Variants in DNAH14 observed in about 807,000 individuals in gnomAD.
The protein encoded by DNAH14 is axonemal beta dynein heavy chain 14.
DNAH14 carries 478 observed loss-of-function variants against 520.9 expected under a neutral mutation model. The observed-to-expected ratio is 0.92, with a 90% CI of 0.85 to 0.99. The LOEUF is 0.99. Among genes scored for constraint, DNAH14 ranks in the 50% least tolerant of loss-of-function variants. The pLI is 0.00. For synonymous variants in DNAH14, 1,581 were observed against 1,757.2 expected (o/e 0.90, Z 2.51); for missense variants, 4,831 against 5,234.5 (o/e 0.92, Z 2.38).
At chr1:225,188,793 A>ATAATAAAGT (rs1313913563) in intron 37 of DNAH14, among the ~76,000 whole-genome samples, 1 of 151,956 alleles carries the variant, frequency 6.6e-6, no homozygotes, top group Admixed American at 6.6e-5. Context: ...TACCATCTTA[A>ATAATAAAGT]TAATAAAGTT....
chr1:225,290,689 ATATATT>A (rs2093864224), intron 55 of DNAH14, among the ~76,000 whole-genome samples: 1 of 109,130 alleles, frequency 9.2e-6, no homozygotes, highest in Non-Finnish European at 1.9e-5. Context: ...ATATATATAT[ATATATT>A]TCCTCCAAGT....
chr1:225,293,711 GT>G (rs2093944017), intron 55 of DNAH14, among the ~76,000 whole-genome samples: 1 of 151,960 alleles, frequency 6.6e-6, no homozygotes, highest in African/African-American at 2.4e-5. Context: ...AAACTAATGA[GT>G]ACTAGGCTTT....
At chr1:225,171,272 A>T (rs2082618273) in intron 36 of DNAH14, among the ~76,000 whole-genome samples, 1 of 152,222 alleles carries the variant, frequency 6.6e-6, no homozygotes, top group Admixed American at 6.5e-5. Flanking sequence ...CTAAGATCAG[A>T]GTGGAACTGA....
intron 11 of DNAH14, among the ~76,000 whole-genome samples, chr1:225,025,810 A>T (rs900321528): frequency 1.3e-5 from 2 of 152,180 alleles, no homozygotes; most frequent in African/African-American, 4.8e-5. Context: ...AAACACAGTA[A>T]ATGTCTGATA....
chr1:225,379,131 G>A (rs1449790882), intron 79 of DNAH14, among the ~76,000 whole-genome samples: 7 of 152,130 alleles, frequency 4.6e-5, no homozygotes, highest in Non-Finnish European at 1.0e-4. Context: ...GTCACCACCC[G>A]CGGAGTGTGT....
intron 8 of DNAH14, among the ~76,000 whole-genome samples, chr1:224,983,603 A>G (rs1302777541): frequency 6.6e-6 from 1 of 152,196 alleles, no homozygotes; most frequent in Non-Finnish European, 1.5e-5. Flanking sequence ...AGAGGAAGTC[A>G]AACTGTCCCT....
chr1:225,252,007 T>C (rs2092572723), intron 43 of DNAH14, among the ~76,000 whole-genome samples: 1 of 152,234 alleles, frequency 6.6e-6, no homozygotes, highest in Non-Finnish European at 1.5e-5. Flanking sequence ...TACTGGCATT[T>C]AACTGCATCC....
chr1:225,102,359 A>T (rs2075571715), intron 23 of DNAH14, among the ~76,000 whole-genome samples: 1 of 152,152 alleles, frequency 6.6e-6, no homozygotes, highest in African/African-American at 2.4e-5. Context: ...ATACGTGTGC[A>T]TGTGTCTTTA....
At chr1:225,163,701 A>C (rs1292685779) in intron 35 of DNAH14, among the ~76,000 whole-genome samples, 1 of 152,208 alleles carries the variant, frequency 6.6e-6, no homozygotes, top group African/African-American at 2.4e-5. Context: ...CCCTGGGATA[A>C]ATCTGACTTG....
At chr1:225,032,385 T>A (rs915364631) in intron 11 of DNAH14, among the ~76,000 whole-genome samples, 3 of 152,250 alleles carry the variant, frequency 2.0e-5, no homozygotes, top group Non-Finnish European at 4.4e-5. Flanking sequence ...TCTAGCTCCA[T>A]CCATGTTCCT....
Position 225,364,787 on chromosome 1 carries a change from T to C in DNAH14, c.11988-5T>C. The C allele has an allele frequency of 6.6e-7, 1 of 1,510,434 alleles. No homozygotes were observed. Among genetic ancestry groups the C allele is most frequent in the African/African-American group, 1.4e-5 (1 of 71,066 alleles). The allele number at this position is 1,510,434 out of a possible 1,614,324, so 93.6% of individuals were successfully genotyped here. On this transcript the variant is annotated splice_polypyrimidine_tract_variant and splice_region_variant and intron_variant, in intron 75 of 85. Coordinates refer to ENST00000682510, the MANE Select transcript of DNAH14 (RefSeq NM_001367479.1). ...TAAAATATTTATAAATTTTTTATTT[T>C]GCAGTTTTAATAGTCCAAACGTGAC...
At chr1:225,351,955 G>C in intron 72 of DNAH14, 72 bp downstream of exon 72, 1 of 1,260,788 alleles carries the variant, frequency 7.9e-7, no homozygotes, top group Non-Finnish European at 1.1e-6. Context: ...ATTTGTAAAT[G>C]TCGTACATTA....
At position 225,244,692 on chromosome 1, in the gene DNAH14, G is replaced by A. The variant is rs192415732; in HGVS notation, c.6748+3870G>A. Among the ~76,000 whole-genome samples, 195 of 152,168 alleles carry A rather than the reference G, an allele frequency of 1.3e-3. 1 individual carries two copies. In the Middle Eastern group the frequency reaches 0.037, roughly 29 times the overall value. On this transcript the variant is annotated intron_variant, in intron 43 of 85. Coordinates refer to ENST00000682510, the MANE Select transcript of DNAH14 (RefSeq NM_001367479.1). ...AGTTTGTATTTCTGTGGGATCAGTGGTGATATCCCCTTCATCATTTTTTAT... is the reference window on the plus strand; with the variant it reads ...AGTTTGTATTTCTGTGGGATCAGTGATGATATCCCCTTCATCATTTTTTAT...
chr1:224,955,084 C>A lies in DNAH14; in HGVS notation c.203C>A (p.Ser68Ter). 6.2e-7 allele frequency: 1 copy of A among 1,608,698 alleles called. No individual in the cohort carries two copies. Among genetic ancestry groups the A allele is most frequent in the South Asian group, 1.1e-5 (1 of 89,554 alleles). Reference protein sequence around the residue: ...TVRTFSESLKSEKTEDYLRES... With the variant: ...TVRTFSESLK ...AGAACATTCTCTGAATCTTTGAAGT[C>A]AGAGAAAACAGAAGGTATTTATCAA... is the stretch of plus-strand genomic sequence containing the variant. The change falls in exon 3 of 86, where the codon TCA becomes TAA. Residue 68 changes from serine (S) to a stop codon, truncating the protein, a stop_gained. Transcript: ENST00000682510. LOFTEE classifies it high-confidence loss of function.
intron 1 of DNAH14, among the ~76,000 whole-genome samples, chr1:224,935,526 C>A (rs542018282): frequency 2.0e-5 from 3 of 151,844 alleles, no homozygotes; most frequent in South Asian, 2.1e-4. Flanking sequence ...CAGGAAGATA[C>A]AACAGTTCTA....
intron 34 of DNAH14, among the ~76,000 whole-genome samples, chr1:225,155,539 T>C (rs1390084534): frequency 6.6e-6 from 1 of 152,182 alleles, no homozygotes; most frequent in East Asian, 1.9e-4. Flanking sequence ...GAAACCCAAG[T>C]ATAGCTCCCT....
chr1:225,080,992 A>G (rs1469527347), intron 19 of DNAH14, among the ~76,000 whole-genome samples: 2 of 152,252 alleles, frequency 1.3e-5, no homozygotes, highest in East Asian at 1.9e-4. Flanking sequence ...TTCCCTGCAT[A>G]GAACCCCAGC....
intron 78 of DNAH14, 60 bp from the exon 79 acceptor site, chr1:225,377,177 A>G (rs1337283261): frequency 3.0e-6 from 4 of 1,332,276 alleles, no homozygotes; most frequent in Admixed American, 7.0e-5. Flanking sequence ...GCAAAAACCA[A>G]CAAAGTGTTC....
chr1:225,242,007 T>C (rs2091993160), intron 43 of DNAH14, among the ~76,000 whole-genome samples: 1 of 152,200 alleles, frequency 6.6e-6, no homozygotes, highest in Admixed American at 6.5e-5. Context: ...GAGGATTGCT[T>C]GAGCCAGGAG....
Sources: gnomAD v4.1 joint callset for allele counts (sites outside exome capture counted in the v4.1 genomes callset) on GRCh38, gnomAD v4.1.1 for gene constraint, MANE v1.5 for transcripts, NCBI Gene and HGNC (gene_info 2026-07-23, HGNC 2026-07-21) for gene names.